Variants in ITPRID1 observed in about 807,000 individuals in gnomAD.
ITPRID1 encodes the protein ITPR interacting domain containing 1.
Under a neutral mutation model 95.4 loss-of-function variants are expected in ITPRID1, and 96 were observed. The ratio of observed to expected loss-of-function variants is 1.01; its 90% CI spans 0.85 to 1.19. The LOEUF is 1.19. ITPRID1 is among the 50% of genes most tolerant of loss of function. The pLI, the probability that ITPRID1 is intolerant of heterozygous loss-of-function variation, is 0.00. For missense variants in ITPRID1, 1,339 were observed against 1,252.9 expected (o/e 1.07, Z -1.04); for synonymous variants, 510 against 453.6 (o/e 1.12, Z -1.58).
At chr7:31,562,801 CTGTCT>C (rs1784670274) in intron 5 of ITPRID1, among the ~76,000 whole-genome samples, 1 of 152,152 alleles carries the variant, frequency 6.6e-6, no homozygotes, top group Non-Finnish European at 1.5e-5. Context: ...CCTGTTCCTC[CTGTCT>C]TAAAGTCTTT....
downstream of ITPRID1, among the ~76,000 whole-genome samples, chr7:31,657,492 G>A (rs1486151300): frequency 6.6e-6 from 1 of 152,208 alleles, no homozygotes; most frequent in Non-Finnish European, 1.5e-5. Flanking sequence ...TATCGGTTCT[G>A]AGTCGCTTTC....
At chr7:31,584,219 T>C (rs989339828) in intron 10 of ITPRID1, among the ~76,000 whole-genome samples, 1 of 152,232 alleles carries the variant, frequency 6.6e-6, no homozygotes, top group Non-Finnish European at 1.5e-5. Flanking sequence ...TGCAAATTTT[T>C]AATTTAATTT....
At chr7:31,616,350 T>A (rs1380140660) in intron 10 of ITPRID1, among the ~76,000 whole-genome samples, 35 of 152,186 alleles carry the variant, frequency 2.3e-4, no homozygotes, top group African/African-American at 8.0e-4. Flanking sequence ...GTCCTATTGA[T>A]TTCAATAATC....
At chr7:31,617,004 G>A (rs1787308742) in intron 10 of ITPRID1, among the ~76,000 whole-genome samples, 1 of 152,042 alleles carries the variant, frequency 6.6e-6, no homozygotes. Flanking sequence ...TATTCCAAGT[G>A]CATTCTTCTT....
chr7:31,656,983 G>C, downstream of ITPRID1, among the ~76,000 whole-genome samples: 1 of 148,384 alleles, frequency 6.7e-6, no homozygotes, highest in Non-Finnish European at 1.5e-5. Flanking sequence ...CAGGCCTTTA[G>C]GCTCAGACTG....
At chr7:31,618,471 G>A (rs186733360) in intron 10 of ITPRID1, among the ~76,000 whole-genome samples, 2 of 152,272 alleles carry the variant, frequency 1.3e-5, no homozygotes, top group East Asian at 3.9e-4. Context: ...TGGTCAAGAA[G>A]GGAAATATTT....
At chr7:31,529,999 G>C (rs761515955) in intron 1 of ITPRID1, among the ~76,000 whole-genome samples, 24 of 152,196 alleles carry the variant, frequency 1.6e-4, no homozygotes, top group Non-Finnish European at 3.5e-4. Context: ...AAAACTATTA[G>C]CAAGAAGATG....
intron 1 of ITPRID1, among the ~76,000 whole-genome samples, chr7:31,547,835 A>C (rs1032123539): frequency 5.3e-5 from 8 of 152,128 alleles, no homozygotes; most frequent in Non-Finnish European, 1.0e-4. Flanking sequence ...TGTGGCACAA[A>C]ATGTGTATAG....
chr7:31,595,462 A>G (rs1194051161), intron 10 of ITPRID1, among the ~76,000 whole-genome samples: 1 of 152,052 alleles, frequency 6.6e-6, no homozygotes, highest in Non-Finnish European at 1.5e-5. Flanking sequence ...TCCAACCCCA[A>G]ACAAACAAAA....
intron 2 of ITPRID1, 135 bp from the exon 3 acceptor site, chr7:31,552,867 C>T: frequency 1.1e-6 from 1 of 917,940 alleles, no homozygotes; most frequent in Non-Finnish European, 1.6e-6. Context: ...GTGGGTGAGC[C>T]AGGTTCATGT....
intron 1 of ITPRID1, among the ~76,000 whole-genome samples, chr7:31,547,222 T>G (rs1002509474): frequency 6.6e-6 from 1 of 152,218 alleles, no homozygotes; most frequent in Non-Finnish European, 1.5e-5. Context: ...GATATTAGGT[T>G]GATAGCATTG....
At chr7:31,553,227 G>T (rs1352565180) in intron 3 of ITPRID1, 40 bp downstream of exon 3, 1 of 1,519,834 alleles carries the variant, frequency 6.6e-7, no homozygotes, top group East Asian at 2.4e-5. Context: ...ACATTCCTCT[G>T]TGAGTGGTGA....
rs1562598891 is a variant in ITPRID1, at chr7:31,599,647, TTTTCTTTCTTTCCTTTC to T, written c.1228+16458_1228+16474del. On this transcript the variant is annotated intron_variant, in intron 10 of 14. Transcript: ENST00000615280. ...TTTCTTTCTTTCTTTCTTTCTTTCT[TTTTCTTTCTTTCCTTTC>T]TCTCTCTCTCTCTCTCTCTCTCTCT... 2.6e-3 allele frequency among the ~76,000 whole-genome samples: 59 copies of T among 23,130 alleles called. 3 individuals carry two copies. The highest frequency in any genetic ancestry group is 4.8e-3 in the South Asian group (3 of 620). The allele number at this position is 23,130 out of a possible 152,430, so 15.2% of individuals were successfully genotyped here.
chr7:31,637,072 T>G (rs1191708124), intron 10 of ITPRID1, among the ~76,000 whole-genome samples: 3 of 152,032 alleles, frequency 2.0e-5, no homozygotes, highest in Non-Finnish European at 4.4e-5. Flanking sequence ...AATTCATCAT[T>G]TTTTTATGGC....
intron 10 of ITPRID1, among the ~76,000 whole-genome samples, chr7:31,601,001 C>A (rs75932589): frequency 3.3e-5 from 5 of 152,124 alleles, no homozygotes; most frequent in African/African-American, 1.2e-4. Context: ...TCATGCCTAG[C>A]CACCTGTAAG....
chr7:31,568,001 C>T (rs1262603975), intron 5 of ITPRID1, among the ~76,000 whole-genome samples: 1 of 151,920 alleles, frequency 6.6e-6, no homozygotes, highest in East Asian at 1.9e-4. Context: ...TGGTACACAC[C>T]TGTAATCCCA....
intron 10 of ITPRID1, among the ~76,000 whole-genome samples, chr7:31,599,212 A>C (rs1264139749): frequency 2.6e-5 from 4 of 152,234 alleles, no homozygotes; most frequent in Non-Finnish European, 5.9e-5. Flanking sequence ...CGTACTCATA[A>C]ATAGAATAAT....
At chr7:31,636,153 G>A (rs1375330054) in intron 10 of ITPRID1, among the ~76,000 whole-genome samples, 4 of 152,060 alleles carry the variant, frequency 2.6e-5, no homozygotes, top group Non-Finnish European at 4.4e-5. Context: ...GTGGCAAACC[G>A]CCCCCATAAT....
chr7:31,567,700 G>C (rs1484769462), intron 5 of ITPRID1, among the ~76,000 whole-genome samples: 1 of 151,764 alleles, frequency 6.6e-6, no homozygotes, highest in East Asian at 1.9e-4. Flanking sequence ...TCCTGCCTCA[G>C]CCTCCTGAGT....
Sources: allele counts gnomAD v4.1 joint callset (sites outside exome capture counted in the v4.1 genomes callset), GRCh38; gene constraint gnomAD v4.1.1; transcripts MANE v1.5; gene names NCBI Gene and HGNC (gene_info 2026-07-23, HGNC 2026-07-21).